The following CNGB3 variants were observed in gnomAD, a reference collection of about 807,000 sequenced individuals.
CNGB3 encodes cyclic nucleotide gated channel subunit beta 3, also known as cyclic nucleotide-gated channel beta-3.
CNGB3 carries 86 observed loss-of-function variants against 92.8 expected under a neutral mutation model. The ratio of observed to expected loss-of-function variants is 0.93; its 90% confidence interval spans 0.78 to 1.11. CNGB3 has a LOEUF of 1.11. Ranked by LOEUF, CNGB3 falls within the 50% of genes least tolerant of loss-of-function variation. The pLI is 0.00. For missense variants in CNGB3, 1,026 were observed against 956.8 expected (o/e 1.07, Z -0.95); for synonymous variants, 333 against 332.7 (o/e 1.00, Z -0.01).
At chr8:86,680,821 G>A (rs1237926563) in intron 3 of CNGB3, among the ~76,000 whole-genome samples, 2 of 152,050 alleles carry the variant, frequency 1.3e-5, no homozygotes, top group Non-Finnish European at 1.5e-5. Flanking sequence ...AGGAGGTTGT[G>A]GGACTCATCT....
intron 3 of CNGB3, among the ~76,000 whole-genome samples, chr8:86,691,826 T>C (rs1009940103): frequency 1.3e-5 from 2 of 152,186 alleles, no homozygotes; most frequent in Admixed American, 1.3e-4. Context: ...AGATTGTCTC[T>C]TTGTGCTCTT....
At chr8:86,645,786 A>G (rs1363171738) in intron 8 of CNGB3, among the ~76,000 whole-genome samples, 2 of 151,304 alleles carry the variant, frequency 1.3e-5, no homozygotes, top group Non-Finnish European at 3.0e-5. Flanking sequence ...TGTGCTCTTA[A>G]TACAAGTTTG....
chr8:86,641,128 C>CATT (rs1823176392), intron 10 of CNGB3, among the ~76,000 whole-genome samples: 1 of 151,998 alleles, frequency 6.6e-6, no homozygotes, highest in African/African-American at 2.4e-5. Flanking sequence ...AATTATAATT[C>CATT]ATTAGCATGC....
chr8:86,598,208 C>T (rs1822215891), intron 15 of CNGB3, among the ~76,000 whole-genome samples: 1 of 152,080 alleles, frequency 6.6e-6, no homozygotes, highest in Admixed American at 6.5e-5. Context: ...CAAAAGATCC[C>T]TCTGGCTGCA....
chr8:86,705,403 G>A (rs763672889), intron 3 of CNGB3, among the ~76,000 whole-genome samples: 3 of 151,828 alleles, frequency 2.0e-5, no homozygotes, highest in Non-Finnish European at 4.4e-5. Flanking sequence ...ACCTGCCCCC[G>A]CTGCCCCCAA....
intron 3 of CNGB3, among the ~76,000 whole-genome samples, chr8:86,698,203 T>C (rs1336581862): frequency 6.6e-6 from 1 of 152,204 alleles, no homozygotes; most frequent in African/African-American, 2.4e-5. Flanking sequence ...TTCATTTGTA[T>C]ACAGCAGATT....
chr8:86,596,200 T>C (rs1338662118), intron 15 of CNGB3, among the ~76,000 whole-genome samples: 2 of 152,160 alleles, frequency 1.3e-5, no homozygotes, highest in African/African-American at 4.8e-5. Context: ...CAAATTAAAA[T>C]AACCTATTAA....
chr8:86,594,421 G>A (rs1481215334), intron 15 of CNGB3: 8 of 289,444 alleles, frequency 2.8e-5, no homozygotes, highest in Non-Finnish European at 4.7e-5. Flanking sequence ...TGCTCCTGAC[G>A]AAATCCACTG....
intron 7 of CNGB3, among the ~76,000 whole-genome samples, chr8:86,651,731 T>A (rs1235073459): frequency 6.6e-6 from 1 of 151,902 alleles, no homozygotes; most frequent in Non-Finnish European, 1.5e-5. Flanking sequence ...CATTGAACTG[T>A]AGAAAATTGA....
chr8:86,670,989 A>G lies in CNGB3; in HGVS notation c.448T>C (p.Leu150=), dbSNP rs781757726. ...GGTGAGGAGAGATCTCCCTCTACCA[A>G]CTTTTTCTTGTAGAGGGCTGTTCTT... ...RQRTALYKKK[L]VEGDLSSPEA... Residue 150 remains leucine (L), a synonymous_variant, in exon 4 of 18, where the codon TTG becomes CTG. Transcript: ENST00000320005. 2 of 1,613,122 alleles carry G rather than the reference A, an allele frequency of 1.2e-6. No individual in the cohort carries two copies. The highest frequency in any genetic ancestry group is 1.1e-5 in the South Asian group (1 of 91,030).
In CNGB3 at chr8:86,593,825, T is replaced by C. The variant is rs1270211884; in HGVS notation, c.1781+10268A>G. The C allele has an allele frequency of 2.8e-6, 3 of 1,069,786 alleles. No individual in the cohort carries two copies. The African/African-American group carries it at 4.8e-5, about 17-fold the overall frequency. The allele number at this position is 1,069,786 out of a possible 1,614,324, so 66.3% of individuals were successfully genotyped here. On this transcript the variant is annotated intron_variant, in intron 15 of 17. Coordinates refer to ENST00000320005, the MANE Select transcript of CNGB3 (RefSeq NM_019098.5). Reference sequence around the variant, plus strand: ...CCGCAGCTTGTCCACATCTGTCAGGTCAGGGAAGTTGGTCAAATTGAACTC... The same window carrying C: ...CCGCAGCTTGTCCACATCTGTCAGGCCAGGGAAGTTGGTCAAATTGAACTC...
intron 13 of CNGB3, among the ~76,000 whole-genome samples, chr8:86,623,358 G>A (rs1207227800): frequency 6.6e-6 from 1 of 152,182 alleles, no homozygotes; most frequent in Non-Finnish European, 1.5e-5. Context: ...ATAAATAATA[G>A]AAATTTATTT....
intron 3 of CNGB3, among the ~76,000 whole-genome samples, chr8:86,695,024 C>G (rs182381105): frequency 2.0e-5 from 3 of 152,186 alleles, no homozygotes; most frequent in African/African-American, 7.2e-5. Context: ...ACTGAGTGAA[C>G]GAGACTCCGT....
chr8:86,694,099 A>G (rs373326010), intron 3 of CNGB3, among the ~76,000 whole-genome samples: 8,615 of 64,542 alleles, frequency 0.13, 906 homozygotes, highest in East Asian at 0.25. Flanking sequence ...CCTCCCTCCC[A>G]GACGGGGCGG....
chr8:86,643,763 C>G lies in CNGB3; in HGVS notation c.1166G>C (p.Gly389Ala). Reference sequence around the variant, plus strand: ...AATCAGAACTTACTCGTTTCCTTCCCCATCATACACCCATCTAGTAGTGCC... The same window carrying G: ...AATCAGAACTTACTCGTTTCCTTCCGCATCATACACCCATCTAGTAGTGCC... ...GIGTTRWVYD[G>A]EGNEYLRCYY... The change falls in exon 10 of 18, where the codon GGG (glycine) becomes GCG (alanine). Residue 389 changes from glycine (G) to alanine (A), a missense_variant. By Grantham distance (60) the Gly-to-Ala change is moderately conservative. Transcript: ENST00000320005. 6.2e-7 allele frequency: 1 copy of G among 1,605,346 alleles called. No homozygotes were observed. The highest frequency in any genetic ancestry group is 8.5e-7 in the Non-Finnish European group (1 of 1,174,830).
At chr8:86,642,814 G>A (rs1823216211) in intron 10 of CNGB3, among the ~76,000 whole-genome samples, 2 of 151,272 alleles carry the variant, frequency 1.3e-5, no homozygotes, top group African/African-American at 2.4e-5. Context: ...TTTTATTTCT[G>A]GGACACTTGC....
intron 7 of CNGB3, among the ~76,000 whole-genome samples, chr8:86,651,394 T>C (rs1434315992): frequency 6.6e-6 from 1 of 151,878 alleles, no homozygotes; most frequent in Non-Finnish European, 1.5e-5. Flanking sequence ...AGATTAGCTA[T>C]TATAAACAAA....
At chr8:86,613,959 T>A (rs554859261) in intron 13 of CNGB3, among the ~76,000 whole-genome samples, 1 of 148,018 alleles carries the variant, frequency 6.8e-6, no homozygotes, top group Non-Finnish European at 1.5e-5. Context: ...AAAAATTATA[T>A]ACAATTTATA....
Position 86,579,180 on chromosome 8 carries a change from A to T in CNGB3, c.1854T>A (p.Thr618=). 1 of 1,614,136 alleles carries T rather than the reference A, an allele frequency of 6.2e-7. No individual in the cohort carries two copies. The highest frequency in any genetic ancestry group is 8.5e-7 in the Non-Finnish European group (1 of 1,180,016). ...TTTCTTGGAGGGTCTTTTTGTCTAG[A>T]GTTAAAAGATTGGCAAACCCGTGGG... The part of the protein sequence containing the change: ...VVAHGFANLL[T]LDKKTLQEIL... Residue 618 remains threonine, a synonymous_variant, in exon 16 of 18, where the codon ACT becomes ACA. Coordinates refer to ENST00000320005, the MANE Select transcript of CNGB3 (RefSeq NM_019098.5).
Sources: gnomAD v4.1 joint callset for allele counts (sites outside exome capture counted in the v4.1 genomes callset) on GRCh38, gnomAD v4.1.1 for gene constraint, MANE v1.5 for transcripts, NCBI Gene and HGNC (gene_info 2026-07-23, HGNC 2026-07-21) for gene names.